The following RSRC1 variants were observed in gnomAD, a reference collection of about 807,000 sequenced individuals.
RSRC1 encodes arginine and serine rich coiled-coil 1, also known as serine/Arginine-related protein 53.
A neutral mutation model predicts 49.1 loss-of-function variants in RSRC1; 39 were observed. The ratio of observed to expected loss-of-function variants is 0.79; its 90% CI spans 0.61 to 1.04. The LOEUF is 1.04. RSRC1 is among the 50% of genes least tolerant of loss of function. The pLI is 0.00. For synonymous variants in RSRC1, 143 were observed against 130.8 expected (o/e 1.09, Z -0.63); for missense variants, 388 against 402.4 (o/e 0.96, Z 0.31).
intron 3 of RSRC1, among the ~76,000 whole-genome samples, chr3:158,197,234 G>A (rs1720687567): frequency 1.3e-5 from 2 of 152,292 alleles, no homozygotes; most frequent in South Asian, 2.1e-4. Flanking sequence ...TCTTGGGAGG[G>A]TGTATGTGTC....
chr3:158,516,156 T>TTGGA (rs1740516168), intron 7 of RSRC1, among the ~76,000 whole-genome samples: 2 of 152,246 alleles, frequency 1.3e-5, no homozygotes, highest in Non-Finnish European at 2.9e-5. Context: ...TGCGTTCCTT[T>TTGGA]GGAGGAGGAG....
Position 158,203,261 on chromosome 3 carries a change from T to C in RSRC1, c.494+16T>C, listed in dbSNP as rs1002340583. On this transcript the variant is annotated intron_variant, in intron 4 of 9. Transcript: ENST00000611884. ...TCAAACGTGGGTAAGTTGGAGCAAA[T>C]CTTATCTGGTAAGGACTTGGTGATT... The C allele has an allele frequency of 6.4e-7, 1 of 1,560,442 alleles. No individual in the cohort carries two copies. Among genetic ancestry groups the C allele is most frequent in the Non-Finnish European group, 8.7e-7 (1 of 1,151,224 alleles).
At position 158,509,506 on chromosome 3, in the gene RSRC1, T is replaced by A. The variant is rs573062230; in HGVS notation, c.653-27586T>A. Among the ~76,000 whole-genome samples, 35 of 152,298 alleles carry A rather than the reference T, an allele frequency of 2.3e-4. 2 individuals carry two copies. In the South Asian group the frequency reaches 6.4e-3, roughly 28 times the overall value. ...ATATTACCAATAATATAACATTTAC[T>A]TTTAGAAATGTTATATTTCTAATTT... On this transcript the variant is annotated intron_variant, in intron 7 of 9. Transcript: ENST00000611884.
At chr3:158,229,868 A>G (rs1320479078) in intron 4 of RSRC1, among the ~76,000 whole-genome samples, 1 of 151,962 alleles carries the variant, frequency 6.6e-6, no homozygotes, top group Non-Finnish European at 1.5e-5. Context: ...TCTGTGTAAG[A>G]ATTTTTTACA....
intron 3 of RSRC1, among the ~76,000 whole-genome samples, chr3:158,187,090 A>G (rs1719974962): frequency 1.3e-5 from 2 of 151,924 alleles, no homozygotes; most frequent in Admixed American, 1.3e-4. Context: ...CAGTTTTATC[A>G]CTCATTGGCT....
Position 158,340,512 on chromosome 3 carries a change from G to A in RSRC1, c.532-14345G>A, listed in dbSNP as rs1288061607. Among the ~76,000 whole-genome samples, 7 of 152,206 alleles carry A rather than the reference G, an allele frequency of 4.6e-5. No homozygotes were observed. The East Asian group carries it at 1.4e-3, about 29-fold the overall frequency. ...GCTGAGATCACACCACTGCACTCCA[G>A]CCTGGGCGACAGAGCAAGAGTCCGT... On this transcript the variant is annotated intron_variant, in intron 5 of 9. Transcript: ENST00000611884.
At chr3:158,369,041 T>A (rs542472465) in intron 6 of RSRC1, among the ~76,000 whole-genome samples, 1 of 152,204 alleles carries the variant, frequency 6.6e-6, no homozygotes, top group South Asian at 2.1e-4. Flanking sequence ...GAAAGGAGTA[T>A]CAGATCATTT....
intron 8 of RSRC1, among the ~76,000 whole-genome samples, chr3:158,541,057 A>G (rs889240342): frequency 6.6e-6 from 1 of 152,142 alleles, no homozygotes; most frequent in Non-Finnish European, 1.5e-5. Context: ...TAAGGAAGAA[A>G]TACCCCAAGT....
At chr3:158,141,819 C>T (rs1716765655) in intron 3 of RSRC1, among the ~76,000 whole-genome samples, 1 of 152,140 alleles carries the variant, frequency 6.6e-6, no homozygotes, top group South Asian at 2.1e-4. Flanking sequence ...ATTTCTCGGC[C>T]AGGCGTGGTG....
intron 4 of RSRC1, among the ~76,000 whole-genome samples, chr3:158,282,645 G>A (rs2108079113): frequency 6.6e-6 from 1 of 152,266 alleles, no homozygotes; most frequent in South Asian, 2.1e-4. Context: ...TGTAAGTTTA[G>A]AGATTAAGAA....
chr3:158,133,193 A>G (rs1716148484), intron 3 of RSRC1, among the ~76,000 whole-genome samples: 1 of 152,184 alleles, frequency 6.6e-6, no homozygotes, highest in Non-Finnish European at 1.5e-5. Context: ...TAAATTGGGG[A>G]TCACTTTAAT....
chr3:158,126,584 A>G (rs933685799), intron 3 of RSRC1, among the ~76,000 whole-genome samples: 2 of 152,104 alleles, frequency 1.3e-5, no homozygotes, highest in South Asian at 2.1e-4. Flanking sequence ...CATCTTTTCA[A>G]TTCTATATCT....
In RSRC1 at chr3:158,122,151, G is replaced by C. The variant is rs766246421; in HGVS notation, c.47G>C (p.Arg16Thr). The C allele has an allele frequency of 8.9e-6, 14 of 1,569,226 alleles. No individual in the cohort carries two copies. The Admixed American group carries it at 2.6e-4, about 29-fold the overall frequency. ...SDTEEESRSK[R>T]KKKHRRRSSS... ...ACTGAAGAAGAAAGCAGAAGCAAGA[G>C]AAAAAAGAAACACCGTAGACGGTCC... is the stretch of plus-strand genomic sequence containing the variant. The change falls in exon 2 of 10, where the codon AGA becomes ACA. Residue 16 changes from arginine to threonine, a missense_variant. Coordinates refer to ENST00000611884, the MANE Select transcript of RSRC1 (RefSeq NM_001271838.2).
intron 6 of RSRC1, among the ~76,000 whole-genome samples, chr3:158,364,981 A>G (rs1208747382): frequency 2.6e-5 from 4 of 152,040 alleles, no homozygotes; most frequent in Non-Finnish European, 5.9e-5. Context: ...CAGCTAGCAT[A>G]TAACTGAGCA....
chr3:158,298,181 A>G lies in RSRC1; in HGVS notation c.531+106A>G, dbSNP rs1422160137. On this transcript the variant is annotated intron_variant, in intron 5 of 9. Coordinates refer to ENST00000611884, the MANE Select transcript of RSRC1 (RefSeq NM_001271838.2). ...ATACTTTGTATTGAGAAAGTCAACC[A>G]TTTCCCAAAGGGTCAGCTTACTGTT... 7.0e-6 allele frequency: 6 copies of G among 851,430 alleles called. No homozygotes were observed. In the East Asian group the frequency reaches 1.5e-4, roughly 22 times the overall value. 52.7% of individuals were successfully genotyped at this position (851,430 alleles called of 1,614,324 possible).
chr3:158,154,277 G>A (rs1380672555), intron 3 of RSRC1, among the ~76,000 whole-genome samples: 3 of 152,050 alleles, frequency 2.0e-5, no homozygotes, highest in African/African-American at 7.2e-5. Flanking sequence ...TAATCTTTTT[G>A]CTGGTGAGGG....
intron 1 of RSRC1, chr3:158,110,462 C>G (rs1481548132): frequency 6.6e-6 from 1 of 152,622 alleles, no homozygotes; most frequent in Non-Finnish European, 1.5e-5. Context: ...CCGCAGGCCT[C>G]AAGCTTGGCC....
intron 6 of RSRC1, among the ~76,000 whole-genome samples, chr3:158,358,111 G>A (rs1001779621): frequency 2.6e-5 from 4 of 152,050 alleles, no homozygotes; most frequent in African/African-American, 9.7e-5. Context: ...ACTAAAATAA[G>A]ATTTAAAAAA....
intron 4 of RSRC1, among the ~76,000 whole-genome samples, chr3:158,268,002 G>A (rs1013510018): frequency 6.6e-6 from 1 of 151,712 alleles, no homozygotes; most frequent in Admixed American, 6.6e-5. Context: ...TATAGGTACT[G>A]TCTAATATTT....
Sources: gnomAD v4.1 joint callset for allele counts (sites outside exome capture counted in the v4.1 genomes callset) on GRCh38, gnomAD v4.1.1 for gene constraint, MANE v1.5 for transcripts, NCBI Gene and HGNC (gene_info 2026-07-23, HGNC 2026-07-21) for gene names.